IL1RAPL2: variants seen among roughly 807,000 people sequenced by gnomAD.
IL1RAPL2 encodes X-linked interleukin-1 receptor accessory protein-like 2.
Under a neutral mutation model 44.1 loss-of-function variants are expected in IL1RAPL2, and 3 were observed. That is an observed-to-expected ratio of 0.07 (90% CI 0.03 to 0.18). The LOEUF is 0.18. Among genes scored for constraint, IL1RAPL2 ranks in the 10% least tolerant of loss-of-function variants. IL1RAPL2 has a pLI of 1.00. For synonymous variants in IL1RAPL2, 181 were observed against 178.8 expected, an observed-to-expected ratio of 1.01 and a Z score of -0.10; for missense variants, 391 against 496.4, an observed-to-expected ratio of 0.79 and a Z score of 2.02.
chrX:105,751,287 GAATAA>G (rs1010267359), intron 9 of IL1RAPL2, among the ~76,000 whole-genome samples: 2 of 110,045 alleles, frequency 1.8e-5, no homozygotes, highest in African/African-American at 6.6e-5. Flanking sequence ...AAAGAAAAAA[GAATAA>G]AATAAATAAA....
At chrX:104,778,687 A>AATTTGAGATATATAGATTATT (rs1932754850) in intron 2 of IL1RAPL2, among the ~76,000 whole-genome samples, 1 of 107,884 alleles carries the variant, frequency 9.3e-6, no homozygotes, top group Admixed American at 1.0e-4. Flanking sequence ...ATATATATAA[A>AATTTGAGATATATAGATTATT]ATTTGAGATA....
chrX:104,909,511 G>A (rs1393911989), intron 2 of IL1RAPL2, among the ~76,000 whole-genome samples: 1 of 111,893 alleles, frequency 8.9e-6, no homozygotes, highest in Non-Finnish European at 1.9e-5. Flanking sequence ...GTGATGTACA[G>A]ATGGGTTTTT....
intron 2 of IL1RAPL2, among the ~76,000 whole-genome samples, chrX:104,969,115 T>A (rs747637171): frequency 9.1e-6 from 1 of 109,871 alleles, no homozygotes; most frequent in Admixed American, 9.8e-5. Flanking sequence ...ACATGGCTTA[T>A]CAGCTATCAA....
intron 1 of IL1RAPL2, among the ~76,000 whole-genome samples, chrX:104,569,784 T>C (rs1928110171): frequency 8.9e-6 from 1 of 112,473 alleles, no homozygotes; most frequent in African/African-American, 3.2e-5. Flanking sequence ...AGTTAAAATA[T>C]GGTTGAAATG....
At position 105,448,260 on chromosome X, in the gene IL1RAPL2, C is replaced by T. The variant is rs745364116; in HGVS notation, c.698-36053C>T. ...CTGGGTGTTCTATAACCTTCTTGTA[C>T]TTGAATGCTGATATTTTCCTCTAGG... On this transcript the variant is annotated intron_variant, in intron 5 of 10. Transcript: ENST00000372582. Among the ~76,000 whole-genome samples, 5 of 109,794 alleles carry T rather than the reference C, an allele frequency of 4.6e-5. No homozygotes were observed. The South Asian group carries it at 1.9e-3, about 41-fold the overall frequency.
intron 2 of IL1RAPL2, among the ~76,000 whole-genome samples, chrX:104,818,338 C>A (rs1224789085): frequency 2.6e-5 from 2 of 78,103 alleles, no homozygotes; most frequent in Admixed American, 1.4e-4. Context: ...AGAGAGACTC[C>A]GTCTCAAAAA....
At chrX:105,691,483 A>G (rs1393662034) in intron 6 of IL1RAPL2, among the ~76,000 whole-genome samples, 1 of 111,879 alleles carries the variant, frequency 8.9e-6, no homozygotes, top group African/African-American at 3.2e-5. Flanking sequence ...CACAAGACCA[A>G]ATTCTCAATG....
At position 105,099,846 on chromosome X, in the gene IL1RAPL2, C is replaced by T. The variant is rs1197395518; in HGVS notation, c.83-95629C>T. Among the ~76,000 whole-genome samples, 6 of 110,295 alleles carry T rather than the reference C, an allele frequency of 5.4e-5. No homozygotes were observed. The Admixed American group carries it at 5.8e-4, about 11-fold the overall frequency. ...CAGCACCAAGCCATTCATGAGGAAT[C>T]CACCCCCATGACCCAAACACCTCCT... On this transcript the variant is annotated intron_variant, in intron 2 of 10. Transcript: ENST00000372582.
At position 104,950,094 on chromosome X, in the gene IL1RAPL2, C is replaced by T. The variant is rs1392602087; in HGVS notation, c.83-245381C>T. On this transcript the variant is annotated intron_variant, in intron 2 of 10. Coordinates refer to ENST00000372582, the MANE Select transcript of IL1RAPL2 (RefSeq NM_017416.2). ...TCACTCAAGGACTTGCTTTATGAAT[C>T]TGGGTGCTCCTGTATTGGGTGCGTA... 5.4e-5 allele frequency among the ~76,000 whole-genome samples: 6 copies of T among 111,395 alleles called. No individual in the cohort carries two copies. In the Admixed American group the frequency reaches 5.7e-4, roughly 11 times the overall value.
intron 5 of IL1RAPL2, among the ~76,000 whole-genome samples, chrX:105,365,531 C>T (rs1312987186): frequency 1.8e-5 from 2 of 111,028 alleles, no homozygotes; most frequent in Non-Finnish European, 3.8e-5. Flanking sequence ...AGACTCTTGG[C>T]TTTTCTTTAA....
chrX:105,478,908 G>T, intron 5 of IL1RAPL2, among the ~76,000 whole-genome samples: 1 of 111,945 alleles, frequency 8.9e-6, no homozygotes, highest in Non-Finnish European at 1.9e-5. Context: ...TCCTCCAGGA[G>T]CTTAAAAATA....
chrX:105,025,079 C>A (rs957236536), intron 2 of IL1RAPL2, among the ~76,000 whole-genome samples: 21 of 110,617 alleles, frequency 1.9e-4, no homozygotes, highest in African/African-American at 4.9e-4. Context: ...GACAAAAACT[C>A]TTTTAAGATA....
At chrX:104,585,752 G>C (rs190488161) in intron 1 of IL1RAPL2, among the ~76,000 whole-genome samples, 1 of 109,639 alleles carries the variant, frequency 9.1e-6, no homozygotes, top group Non-Finnish European at 1.9e-5. Flanking sequence ...CTCCATCCAT[G>C]TTGCTGCAAA....
chrX:105,219,092 G>A, intron 3 of IL1RAPL2: 1 of 1,211,191 alleles, frequency 8.3e-7, no homozygotes, highest in Non-Finnish European at 1.1e-6. Context: ...GGTCTTTGCT[G>A]ATGAGGTTCG....
chrX:105,244,151 G>A (rs1556211914), intron 4 of IL1RAPL2, among the ~76,000 whole-genome samples: 2 of 110,825 alleles, frequency 1.8e-5, no homozygotes, highest in African/African-American at 6.6e-5. Context: ...AGACTTTGCT[G>A]CTTGAGGGGC....
At chrX:105,108,997 C>T (rs1384918647) in intron 2 of IL1RAPL2, among the ~76,000 whole-genome samples, 1 of 111,719 alleles carries the variant, frequency 9.0e-6, no homozygotes, top group Non-Finnish European at 1.9e-5. Context: ...ACTCTACAAA[C>T]ATATTGGGCT....
At chrX:105,248,727 CAG>C (rs2034243932) in intron 4 of IL1RAPL2, among the ~76,000 whole-genome samples, 2 of 111,319 alleles carry the variant, frequency 1.8e-5, no homozygotes, top group Non-Finnish European at 3.8e-5. Flanking sequence ...AGATGGGAAA[CAG>C]ACATATGAAA....
At chrX:105,027,321 T>C (rs1488951868) in intron 2 of IL1RAPL2, among the ~76,000 whole-genome samples, 2 of 111,025 alleles carry the variant, frequency 1.8e-5, no homozygotes, top group Non-Finnish European at 1.9e-5. Flanking sequence ...AATGGACAAA[T>C]AGGATCACAT....
chrX:105,192,022 C>T (rs1430329593), intron 2 of IL1RAPL2, among the ~76,000 whole-genome samples: 3 of 111,911 alleles, frequency 2.7e-5, no homozygotes, highest in African/African-American at 9.7e-5. Context: ...GGGCTGGATA[C>T]CTCCTGTGGA....
Sources: allele counts gnomAD v4.1 joint callset (sites outside exome capture counted in the v4.1 genomes callset), GRCh38; gene constraint gnomAD v4.1.1; transcripts MANE v1.5; gene names NCBI Gene and HGNC (gene_info 2026-07-23, HGNC 2026-07-21).